The following CDK13 variants were observed in gnomAD, a reference collection of about 807,000 sequenced individuals.
CDK13 encodes the protein cyclin dependent kinase 13.
Under a neutral mutation model 137.6 loss-of-function variants are expected in CDK13, and 40 were observed. The ratio of observed to expected loss-of-function variants is 0.29; its 90% CI spans 0.23 to 0.38. The LOEUF is 0.38. Ranked by LOEUF, CDK13 falls within the 10% of genes least tolerant of loss-of-function variation. The probability of loss-of-function intolerance (pLI) is 1.00; values close to 1 mark genes in which losing one functional copy is unlikely to be tolerated. For synonymous variants in CDK13, 869 were observed against 760.1 expected (o/e 1.14, Z -2.36); for missense variants, 1,704 against 1,951.8 (o/e 0.87, Z 2.39).
chr7:40,061,759 C>T (rs578115113), intron 7 of CDK13: 1 of 152,306 alleles, frequency 6.6e-6, no homozygotes, highest in East Asian at 1.9e-4. Flanking sequence ...TCTCTTCAAG[C>T]GTGTCAATCA....
At chr7:40,018,009 T>G (rs1785038423) in intron 5 of CDK13, among the ~76,000 whole-genome samples, 1 of 152,026 alleles carries the variant, frequency 6.6e-6, no homozygotes, top group South Asian at 2.1e-4. Flanking sequence ...ATTATATCGC[T>G]TTAATTATCA....
rs138414137 is a variant in CDK13, at chr7:40,015,074, C to T, written c.2353+13043C>T. On this transcript the variant is annotated intron_variant, in intron 5 of 13. Transcript: ENST00000181839. ...AGAGGAATGTGTTTTAGTTAAGATA[C>T]ACCAAATAATGTCTTAAAGGAAAAA... Among the ~76,000 whole-genome samples, 3 of 152,144 alleles carry T rather than the reference C, an allele frequency of 2.0e-5. No individual in the cohort carries two copies. In the East Asian group the frequency reaches 5.8e-4, roughly 29 times the overall value.
intron 5 of CDK13, among the ~76,000 whole-genome samples, chr7:40,005,778 C>T (rs889711063): frequency 3.3e-5 from 5 of 152,130 alleles, no homozygotes; most frequent in Non-Finnish European, 5.9e-5. Flanking sequence ...CCCAAGCTAG[C>T]GTGCGGTGGC....
rs1200148160 is a variant in CDK13 at position 40,038,209 on chromosome 7, A to AT, written c.2354-7627_2354-7626insT. Among the ~76,000 whole-genome samples, 3 of 151,974 alleles carry AT rather than the reference A, an allele frequency of 2.0e-5. No homozygotes were observed. The South Asian group carries it at 6.2e-4, about 32-fold the overall frequency. On this transcript the variant is annotated intron_variant, in intron 5 of 13. Coordinates refer to ENST00000181839, the MANE Select transcript of CDK13 (RefSeq NM_003718.5). ...TATTCACATTCCTTTTTTTATATAT[A>AT]AAAAAAGGTAGCAATGTTGTAAGTG...
chr7:40,060,234 C>T (rs991120784), intron 7 of CDK13, among the ~76,000 whole-genome samples: 8 of 151,976 alleles, frequency 5.3e-5, no homozygotes, highest in Admixed American at 2.6e-4. Context: ...AGTTTCTCTA[C>T]GATTCAACAT....
chr7:40,083,343 C>T (rs1786713582), intron 11 of CDK13, among the ~76,000 whole-genome samples: 1 of 151,364 alleles, frequency 6.6e-6, no homozygotes, highest in Non-Finnish European at 1.5e-5. Context: ...TTAGAGATCA[C>T]ATGATCTAAA....
chr7:40,005,198 C>A, intron 5 of CDK13, among the ~76,000 whole-genome samples: 1 of 150,092 alleles, frequency 6.7e-6, no homozygotes, highest in Admixed American at 6.6e-5. Flanking sequence ...AGGAAAACAT[C>A]ATAAATATAT....
At chr7:40,021,150 C>CACACACACACACACACACACACAT (rs1562733223) in intron 5 of CDK13, among the ~76,000 whole-genome samples, 1 of 150,442 alleles carries the variant, frequency 6.6e-6, no homozygotes, top group Non-Finnish European at 1.5e-5. Context: ...CACACACACA[C>CACACACACACACACACACACACAT]ATAAAGTTTT....
intron 7 of CDK13, among the ~76,000 whole-genome samples, chr7:40,056,929 G>A (rs1024311713): frequency 2.6e-5 from 4 of 152,332 alleles, no homozygotes; most frequent in Admixed American, 1.3e-4. Flanking sequence ...CTTAAAGAAT[G>A]AGAAGTTTAT....
chr7:40,032,378 A>G (rs966612223), intron 5 of CDK13, among the ~76,000 whole-genome samples: 7 of 152,182 alleles, frequency 4.6e-5, no homozygotes, highest in African/African-American at 1.4e-4. Context: ...GCCAAAGAGC[A>G]GAAGTTTTAA....
At chr7:40,077,912 G>A (rs1456202812) in intron 9 of CDK13, 93 bp from the exon 10 acceptor site, 1 of 558,512 alleles carries the variant, frequency 1.8e-6, no homozygotes, top group African/African-American at 1.9e-5. Context: ...TTCAATTTTT[G>A]TGTATTTAAA....
At chr7:40,017,936 TTA>T (rs1785036373) in intron 5 of CDK13, among the ~76,000 whole-genome samples, 4 of 151,090 alleles carry the variant, frequency 2.6e-5, no homozygotes, top group Non-Finnish European at 4.4e-5. Flanking sequence ...TTTTTTTTTT[TTA>T]AATTCCCACA....
intron 5 of CDK13, among the ~76,000 whole-genome samples, chr7:40,007,093 T>A (rs1784809500): frequency 6.6e-6 from 1 of 152,222 alleles, no homozygotes; most frequent in African/African-American, 2.4e-5. Context: ...AGTGTTTTGG[T>A]ACTTAAACTT....
rs1201316139 is a variant in CDK13 at position 40,096,635 on chromosome 7, G to T, written c.*1655G>T. ...CTGTTACAGAATGTATATTGCTCCA[G>T]TTCTAAAGCCAGTTAACCCTGTGCC... is the stretch of plus-strand genomic sequence containing the variant. On this transcript the variant is annotated 3_prime_UTR_variant, in exon 14 of 14. Transcript: ENST00000181839. 2 of 152,016 alleles carry T rather than the reference G, an allele frequency of 1.3e-5. No individual in the cohort carries two copies. The highest frequency in any genetic ancestry group is 2.9e-5 in the Non-Finnish European group (2 of 67,974). 9.4% of individuals were successfully genotyped at this position (152,016 alleles called of 1,614,324 possible). A position where few individuals can be genotyped will look rare whatever the true frequency, so the allele number is the denominator to read the frequency against.
At chr7:39,995,621 C>T (rs914164532) in intron 2 of CDK13, among the ~76,000 whole-genome samples, 3 of 152,190 alleles carry the variant, frequency 2.0e-5, no homozygotes, top group African/African-American at 7.2e-5. Context: ...CAGTGCCTTA[C>T]AAATACCTAG....
chr7:40,063,680 T>TA (rs1562756095), intron 9 of CDK13, among the ~76,000 whole-genome samples: 1 of 151,998 alleles, frequency 6.6e-6, no homozygotes. Flanking sequence ...TTTTTTGAGA[T>TA]AGAGTCTCAC....
At chr7:40,015,109 C>G (rs1784977458) in intron 5 of CDK13, among the ~76,000 whole-genome samples, 1 of 152,160 alleles carries the variant, frequency 6.6e-6, no homozygotes, top group Non-Finnish European at 1.5e-5. Flanking sequence ...AAGCTCAAAT[C>G]TTAATTTGGA....
intron 13 of CDK13, among the ~76,000 whole-genome samples, chr7:40,093,785 G>A (rs1786979067): frequency 6.6e-6 from 1 of 151,608 alleles, no homozygotes; most frequent in South Asian, 2.1e-4. Flanking sequence ...ACATGCCTGT[G>A]ATTCCAGCTA....
intron 1 of CDK13, chr7:39,987,160 T>A (rs1328365331): frequency 6.5e-6 from 1 of 153,282 alleles, no homozygotes; most frequent in African/African-American, 2.4e-5. Flanking sequence ...GTAGTAAGTC[T>A]TGTCTTTTTC....
Sources: allele counts gnomAD v4.1 joint callset (sites outside exome capture counted in the v4.1 genomes callset), GRCh38; gene constraint gnomAD v4.1.1; transcripts MANE v1.5; gene names NCBI Gene and HGNC (gene_info 2026-07-23, HGNC 2026-07-21).